The following CASK variants were observed in gnomAD, a reference collection of about 807,000 sequenced individuals.
The protein encoded by CASK is peripheral plasma membrane protein CASK.
CASK carries 4 observed loss-of-function variants against 82.9 expected under a neutral mutation model. That is an observed-to-expected ratio of 0.05 (90% CI 0.02 to 0.11). CASK has a LOEUF of 0.11. Among genes scored for constraint, CASK ranks in the 10% least tolerant of loss-of-function variants. The pLI is 1.00. For missense variants in CASK, 358 were observed against 720.9 expected, an observed-to-expected ratio of 0.50 and a Z score of 5.76; for synonymous variants, 259 against 253.5, an observed-to-expected ratio of 1.02 and a Z score of -0.20.
chrX:41,888,702 C>T (rs1471945910), intron 1 of CASK, among the ~76,000 whole-genome samples: 10 of 92,314 alleles, frequency 1.1e-4, no homozygotes, highest in South Asian at 9.4e-4. Context: ...TATATATATA[C>T]GTATATATGT....
chrX:41,737,297 C>A (rs1031048377), intron 5 of CASK, among the ~76,000 whole-genome samples: 1 of 112,023 alleles, frequency 8.9e-6, no homozygotes, highest in Non-Finnish European at 1.9e-5. Flanking sequence ...AAACTAGCCA[C>A]GCTACGTCAC....
intron 1 of CASK, among the ~76,000 whole-genome samples, chrX:41,885,107 G>A (rs1157678502): frequency 9.0e-6 from 1 of 111,725 alleles, no homozygotes; most frequent in Non-Finnish European, 1.9e-5. Flanking sequence ...TCAAGTTACT[G>A]AGTCTGACTG....
chrX:41,870,207 A>G (rs1278350230), intron 1 of CASK, among the ~76,000 whole-genome samples: 1 of 111,925 alleles, frequency 8.9e-6, no homozygotes, highest in East Asian at 2.8e-4. Context: ...CTACAGAAAA[A>G]TAAAGACAAA....
At chrX:41,801,141 T>C (rs1381117900) in intron 2 of CASK, among the ~76,000 whole-genome samples, 1 of 111,687 alleles carries the variant, frequency 9.0e-6, no homozygotes, top group African/African-American at 3.3e-5. Context: ...AAATAGAAAC[T>C]GCCTTTGAGG....
chrX:41,763,064 G>C (rs1307860042), intron 3 of CASK, among the ~76,000 whole-genome samples: 1 of 110,970 alleles, frequency 9.0e-6, no homozygotes, highest in African/African-American at 3.3e-5. Context: ...TAGAAAAAAG[G>C]GGGGGAAACT....
intron 1 of CASK, among the ~76,000 whole-genome samples, chrX:41,862,866 G>C (rs1220320921): frequency 8.9e-6 from 1 of 112,019 alleles, no homozygotes; most frequent in Non-Finnish European, 1.9e-5. Flanking sequence ...AACAGTTACT[G>C]GGTGAATGAT....
chrX:41,557,091 G>C lies in CASK; in HGVS notation c.1747C>G (p.Pro583Ala). The change falls in exon 19 of 27, where the codon CCT becomes GCT. Residue 583 changes from proline to alanine, a missense_variant. By Grantham distance (27) the Pro-to-Ala change is conservative. This residue lies in a region of CASK where 41 missense variants were observed against 39.4 expected (regional missense o/e 1.04). Transcript: ENST00000378163. Reference sequence around the variant, plus strand: ...GCTGGGGACTGTCTGGAAGTGGAAGGGGAATCTCTCTGAAATAAGACACAA... The same window carrying C: ...GCTGGGGACTGTCTGGAAGTGGAAGCGGAATCTCTCTGAAATAAGACACAA... ...TQSSSCERDS[P>A]STSRQSPANG... The C allele has an allele frequency of 8.3e-7, 1 of 1,200,838 alleles. No individual in the cohort carries two copies. Among genetic ancestry groups the C allele is most frequent in the Non-Finnish European group, 1.1e-6 (1 of 885,597 alleles).
rs201930152 is a variant in CASK, at chrX:41,606,242, TTTCATTCATTCA to T, written c.1155+3650_1155+3661del. Among the ~76,000 whole-genome samples the T allele has an allele frequency of 1.0e-3, 105 of 103,928 alleles. No homozygotes were observed. The Middle Eastern group carries it at 0.015, about 15-fold the overall frequency. The allele number at this position is 103,928 out of a possible 115,157, so 90.2% of individuals were successfully genotyped here. ...TTTATTTCATTCATGATGATTAAGC[TTTCATTCATTCA>T]TTCATTCATTCATTCATTCATTCAT... On this transcript the variant is annotated intron_variant, in intron 12 of 26. Transcript: ENST00000378163.
At chrX:41,861,111 C>T (rs904732128) in intron 1 of CASK, among the ~76,000 whole-genome samples, 11 of 112,130 alleles carry the variant, frequency 9.8e-5, no homozygotes, top group Non-Finnish European at 1.9e-4. Context: ...TTTCATGTAG[C>T]ACACCATCTT....
rs745907529 is a variant in CASK, at chrX:41,727,717, A to G, written c.429+11667T>C. 59 of 1,202,649 alleles carry G rather than the reference A, an allele frequency of 4.9e-5. No homozygotes were observed. The highest frequency in any genetic ancestry group is 4.9e-4 in the African/African-American group (28 of 57,165). On this transcript the variant is annotated intron_variant, in intron 5 of 26. Transcript: ENST00000378163. ...CTCTTTTGTAAGCCATCTGAGAAAA[A>G]TAAGAACCTGTACGTCCATTATGGA...
intron 8 of CASK, among the ~76,000 whole-genome samples, chrX:41,648,302 G>C (rs1432634041): frequency 9.0e-6 from 1 of 111,197 alleles, no homozygotes; most frequent in Non-Finnish European, 1.9e-5. Context: ...CAGACCAGTT[G>C]ATCTCAAAAC....
rs201435578 is a variant in CASK at position 41,578,432 on chromosome X, C to T, written c.1411G>A (p.Asp471Asn). Reference protein sequence around the residue: ...PPPTSPYLNGDSPESANGDMD... With the variant: ...PPPTSPYLNGNSPESANGDMD... Reference sequence around the variant, plus strand: ...TCTCCGTTAGCACTTTCTGGAGAATCGCCGTTTAAATAGGGAGAGGTGGGA... The same window carrying T: ...TCTCCGTTAGCACTTTCTGGAGAATTGCCGTTTAAATAGGGAGAGGTGGGA... The change falls in exon 15 of 27, where the codon GAT becomes AAT. Residue 471 changes from aspartate (D) to asparagine (N), a missense_variant. This residue lies in a region of CASK where 110 missense variants were observed against 218.8 expected (regional missense o/e 0.50). Transcript: ENST00000378163. 2.1e-5 allele frequency: 25 copies of T among 1,201,332 alleles called. No individual in the cohort carries two copies. In the Admixed American group the frequency reaches 3.5e-4, roughly 17 times the overall value.
rs1268556670 is a variant in CASK at position 41,515,819 on chromosome X, A to G, written c.*4601T>C. ...CACCCCTAAGCCTCTGTCAGTAAGAACACTGGCGTGTTCTCTCAGTCACAC... is the reference window on the plus strand; with the variant it reads ...CACCCCTAAGCCTCTGTCAGTAAGAGCACTGGCGTGTTCTCTCAGTCACAC... On this transcript the variant is annotated 3_prime_UTR_variant, in exon 27 of 27. Transcript: ENST00000378163. 8.9e-6 allele frequency: 1 copy of G among 112,380 alleles called. No homozygotes were observed. The highest frequency in any genetic ancestry group is 1.9e-5 in the Non-Finnish European group (1 of 53,252). The allele number at this position is 112,380 out of a possible 1,213,427, so 9.3% of individuals were successfully genotyped here.
intron 1 of CASK, among the ~76,000 whole-genome samples, chrX:41,922,042 T>G (rs2072791997): frequency 9.0e-6 from 1 of 111,592 alleles, no homozygotes; most frequent in South Asian, 3.8e-4. Flanking sequence ...ACAAGCAAAT[T>G]AGCAGGATTG....
At chrX:41,871,746 C>T (rs1243031206) in intron 1 of CASK, among the ~76,000 whole-genome samples, 1 of 111,713 alleles carries the variant, frequency 9.0e-6, no homozygotes, top group African/African-American at 3.3e-5. Context: ...AACAAAAAGA[C>T]CATAATCAGA....
chrX:41,638,501 G>A (rs1160998676), intron 8 of CASK, among the ~76,000 whole-genome samples: 1 of 111,476 alleles, frequency 9.0e-6, no homozygotes, highest in African/African-American at 3.3e-5. Flanking sequence ...AGCCATGACT[G>A]CAACTGCACT....
intron 7 of CASK, among the ~76,000 whole-genome samples, chrX:41,662,504 A>T (rs2067051177): frequency 9.0e-6 from 1 of 111,702 alleles, no homozygotes; most frequent in African/African-American, 3.3e-5. Flanking sequence ...GGGTGATGAA[A>T]TGTGGCCGGG....
chrX:41,685,226 G>A (rs2067422129), intron 5 of CASK, among the ~76,000 whole-genome samples: 1 of 111,769 alleles, frequency 8.9e-6, no homozygotes, highest in Non-Finnish European at 1.9e-5. Flanking sequence ...TGTTTTAATT[G>A]TATAAAACAT....
At chrX:41,695,218 G>A (rs1211539867) in intron 5 of CASK, among the ~76,000 whole-genome samples, 3 of 110,894 alleles carry the variant, frequency 2.7e-5, no homozygotes, top group Admixed American at 1.9e-4. Flanking sequence ...TGTGCTGCTT[G>A]TTTAATGATA....
Sources: gnomAD v4.1 joint callset for allele counts (sites outside exome capture counted in the v4.1 genomes callset) on GRCh38, gnomAD v4.1.1 for gene constraint, gnomAD v4.1.1 regional missense constraint, MANE v1.5 for transcripts, NCBI Gene and HGNC (gene_info 2026-07-23, HGNC 2026-07-21) for gene names.